The following OMA1 variants were observed in gnomAD, a reference collection of about 807,000 sequenced individuals.
OMA1 encodes metalloendopeptidase OMA1, mitochondrial.
In OMA1, 38 loss-of-function variants were observed where a neutral mutation model predicts 30.9. The ratio of observed to expected loss-of-function variants is 1.23; its 90% CI spans 0.95 to 1.61. The LOEUF (loss-of-function observed/expected upper bound fraction) is 1.61, where lower values mean the gene tolerates loss of function less well. Among genes scored for constraint, OMA1 ranks in the 40% most tolerant of loss-of-function variants. The pLI, the probability that OMA1 is intolerant of heterozygous loss-of-function variation, is 0.00. For synonymous variants in OMA1, 173 were observed against 121.9 expected (o/e 1.42, Z -2.76); for missense variants, 461 against 349.2 (o/e 1.32, Z -2.55).
intron 7 of OMA1, among the ~76,000 whole-genome samples, chr1:58,518,162 G>T (rs112348056): frequency 0.013 from 1,822 of 141,914 alleles, 30 homozygotes; most frequent in East Asian, 0.099. Flanking sequence ...CTCCAGCCTG[G>T]GCAACAAAAG....
At chr1:58,499,739 ACAT>A (rs1302321545) in intron 8 of OMA1, among the ~76,000 whole-genome samples, 2 of 152,132 alleles carry the variant, frequency 1.3e-5, no homozygotes, top group African/African-American at 4.8e-5. Context: ...AGATATTGAA[ACAT>A]CATGCTGGAC....
intron 7 of OMA1, among the ~76,000 whole-genome samples, chr1:58,510,737 A>G (rs146953678): frequency 6.6e-6 from 1 of 151,846 alleles, no homozygotes; most frequent in Non-Finnish European, 1.5e-5. Flanking sequence ...CACACACACA[A>G]AAAAAAACCC....
intron 7 of OMA1, among the ~76,000 whole-genome samples, chr1:58,508,445 T>C (rs1441883252): frequency 6.6e-6 from 1 of 152,168 alleles, no homozygotes; most frequent in Non-Finnish European, 1.5e-5. Flanking sequence ...CTAGGTGCAA[T>C]GCTTCTGCAC....
At chr1:58,498,351 G>C (rs1443490316) in intron 8 of OMA1, among the ~76,000 whole-genome samples, 1 of 151,862 alleles carries the variant, frequency 6.6e-6, no homozygotes, top group Non-Finnish European at 1.5e-5. Context: ...AATGGCTCAT[G>C]AGAGGTTTAA....
intron 1 of OMA1, among the ~76,000 whole-genome samples, chr1:58,539,932 T>C (rs78372776): frequency 0.018 from 2,796 of 152,198 alleles, 54 homozygotes; most frequent in East Asian, 0.12. Flanking sequence ...AGACAAGAGC[T>C]GCACAGAGAA....
At chr1:58,511,356 T>C (rs1170788148) in intron 7 of OMA1, among the ~76,000 whole-genome samples, 4 of 152,000 alleles carry the variant, frequency 2.6e-5, no homozygotes, top group Non-Finnish European at 5.9e-5. Flanking sequence ...ACCAAAAATA[T>C]ACAATGGGAG....
At chr1:58,488,584 TG>T (rs1268582292) in intron 8 of OMA1, among the ~76,000 whole-genome samples, 1 of 152,230 alleles carries the variant, frequency 6.6e-6, no homozygotes, top group African/African-American at 2.4e-5. Flanking sequence ...CCTGAGTAGC[TG>T]GGATTACAGG....
intron 7 of OMA1, among the ~76,000 whole-genome samples, chr1:58,507,335 G>T (rs1400839477): frequency 1.3e-5 from 2 of 152,002 alleles, no homozygotes; most frequent in East Asian, 3.9e-4. Flanking sequence ...TTATAATAGT[G>T]TAATTGTGAA....
At chr1:58,538,489 A>G (rs564727981) in intron 2 of OMA1, among the ~76,000 whole-genome samples, 10 of 149,284 alleles carry the variant, frequency 6.7e-5, no homozygotes, top group Non-Finnish European at 1.3e-4. Flanking sequence ...AGTCATAAAT[A>G]TAAGATTTTT....
chr1:58,494,466 T>C (rs1272443046), intron 8 of OMA1, among the ~76,000 whole-genome samples: 3 of 152,210 alleles, frequency 2.0e-5, no homozygotes, highest in African/African-American at 7.2e-5. Context: ...GAAACTACCA[T>C]CAGAGTGAAC....
At chr1:58,504,486 AC>A (rs1645956188) in intron 8 of OMA1, among the ~76,000 whole-genome samples, 1 of 151,400 alleles carries the variant, frequency 6.6e-6, no homozygotes, top group South Asian at 2.1e-4. Flanking sequence ...TCTGCTGCCC[AC>A]CCCTCTCTAA....
chr1:58,543,048 A>G (rs1359383458), intron 1 of OMA1, among the ~76,000 whole-genome samples: 1 of 152,118 alleles, frequency 6.6e-6, no homozygotes, highest in African/African-American at 2.4e-5. Context: ...TAGACAGAAG[A>G]TAAGTGAGAG....
intron 7 of OMA1, among the ~76,000 whole-genome samples, chr1:58,522,738 T>C (rs1286366467): frequency 6.6e-6 from 1 of 152,256 alleles, no homozygotes; most frequent in Non-Finnish European, 1.5e-5. Flanking sequence ...GTATGTTATA[T>C]GTATTATATA....
chr1:58,529,889 AT>A (rs951248986), intron 6 of OMA1, among the ~76,000 whole-genome samples: 2 of 150,910 alleles, frequency 1.3e-5, no homozygotes, highest in Non-Finnish European at 3.0e-5. Flanking sequence ...TTTTATTTTT[AT>A]TTTTTTTTGA....
Position 58,533,934 on chromosome 1 carries a change from A to G in OMA1, c.1011+19T>C, listed in dbSNP as rs1646476128. 1 of 868,712 alleles carries G rather than the reference A, an allele frequency of 1.2e-6. No homozygotes were observed. Among genetic ancestry groups the G allele is most frequent in the African/African-American group, 1.6e-5 (1 of 61,230 alleles). 53.8% of individuals were successfully genotyped at this position (868,712 alleles called of 1,614,324 possible). On this transcript the variant is annotated intron_variant, in intron 5 of 8. Transcript: ENST00000371226. ...CAAAGCAGTTTTTCCAAACCTGAAC[A>G]TTCATTTTAGGTACTTACAGCATGC...
chr1:58,541,666 C>G (rs1646623374), intron 1 of OMA1: 1 of 134,576 alleles, frequency 7.4e-6, no homozygotes, highest in Non-Finnish European at 1.6e-5. Context: ...CAAAAAAACC[C>G]AGATTGAGGG....
chr1:58,503,691 T>C (rs1645944022), intron 8 of OMA1, among the ~76,000 whole-genome samples: 1 of 152,032 alleles, frequency 6.6e-6, no homozygotes, highest in South Asian at 2.1e-4. Context: ...AAGGAGAAGA[T>C]GGCTGTTTAT....
At chr1:58,523,176 C>T in intron 7 of OMA1, among the ~76,000 whole-genome samples, 2 of 152,188 alleles carry the variant, frequency 1.3e-5, no homozygotes, top group East Asian at 3.8e-4. Flanking sequence ...TTTCTATTAG[C>T]TCTTGAATTT....
intron 8 of OMA1, among the ~76,000 whole-genome samples, chr1:58,500,477 C>T (rs1376455538): frequency 4.6e-5 from 7 of 152,082 alleles, no homozygotes; most frequent in Non-Finnish European, 7.4e-5. Context: ...ATGATTTACA[C>T]GAGTTCAAAC....
Sources: gnomAD v4.1 joint callset for allele counts (sites outside exome capture counted in the v4.1 genomes callset) on GRCh38, gnomAD v4.1.1 for gene constraint, MANE v1.5 for transcripts, NCBI Gene and HGNC (gene_info 2026-07-23, HGNC 2026-07-21) for gene names.